Variants in PLCB1 observed in about 807,000 individuals in gnomAD.
The protein encoded by PLCB1 is phospholipase C beta 1.
In PLCB1, 46 loss-of-function variants were observed where a neutral mutation model predicts 161.8. The ratio of observed to expected loss-of-function variants is 0.28; its 90% CI spans 0.22 to 0.36. The LOEUF is 0.36. Ranked by LOEUF, PLCB1 falls within the 10% of genes least tolerant of loss-of-function variation. The pLI is 1.00. For missense variants in PLCB1, 1,016 were observed against 1,472.5 expected (o/e 0.69, Z 5.07); for synonymous variants, 517 against 503.7 (o/e 1.03, Z -0.35).
intron 31 of PLCB1, among the ~76,000 whole-genome samples, chr20:8,836,754 C>G (rs1986301434): frequency 1.3e-5 from 2 of 152,104 alleles, no homozygotes; most frequent in Admixed American, 1.3e-4. Flanking sequence ...GGCAAAGTAA[C>G]AAATGTAAAG....
chr20:8,737,726 A>G (rs578000782), intron 20 of PLCB1, among the ~76,000 whole-genome samples: 76 of 152,334 alleles, frequency 5.0e-4, no homozygotes, highest in Non-Finnish European at 9.6e-4. Flanking sequence ...TATCATGTAA[A>G]GGAAGAAAGT....
At chr20:8,326,478 C>T (rs1223856048) in intron 2 of PLCB1, among the ~76,000 whole-genome samples, 3 of 152,134 alleles carry the variant, frequency 2.0e-5, no homozygotes, top group African/African-American at 7.2e-5. Context: ...GTTATGATTT[C>T]CCTTGGCCTG....
chr20:8,635,184 T>C (rs1440548427), intron 4 of PLCB1, among the ~76,000 whole-genome samples: 1 of 152,094 alleles, frequency 6.6e-6, no homozygotes, highest in East Asian at 1.9e-4. Context: ...TCAAAAACAG[T>C]AGTTTAGTCT....
intron 2 of PLCB1, among the ~76,000 whole-genome samples, chr20:8,311,852 A>G (rs1984416504): frequency 1.3e-5 from 2 of 152,210 alleles, no homozygotes; most frequent in South Asian, 4.1e-4. Context: ...CACAATTGAC[A>G]AAAACACATA....
chr20:8,793,894 A>AAG (rs1238695277), intron 31 of PLCB1, among the ~76,000 whole-genome samples: 1 of 152,162 alleles, frequency 6.6e-6, no homozygotes, highest in Non-Finnish European at 1.5e-5. Context: ...CCTCAACAGT[A>AAG]AGAGACAGCT....
chr20:8,731,366 A>G (rs1980235517), intron 18 of PLCB1, among the ~76,000 whole-genome samples: 1 of 151,836 alleles, frequency 6.6e-6, no homozygotes, highest in Non-Finnish European at 1.5e-5. Flanking sequence ...TAAATGTACA[A>G]ACTATTAATG....
intron 2 of PLCB1, among the ~76,000 whole-genome samples, chr20:8,358,410 G>T (rs756635070): frequency 1.3e-5 from 2 of 151,980 alleles, no homozygotes; most frequent in South Asian, 4.2e-4. Flanking sequence ...CAACATGCCC[G>T]GCTAATTATT....
At position 8,649,432 on chromosome 20, in the gene PLCB1, A is replaced by G. The variant is rs774806833; in HGVS notation, c.577A>G (p.Ser193Gly). 2 of 1,611,922 alleles carry G rather than the reference A, an allele frequency of 1.2e-6. No homozygotes were observed. Among genetic ancestry groups the G allele is most frequent in the South Asian group, 2.2e-5 (2 of 91,026 alleles). Residue 193 changes from serine (S) to glycine (G), a missense_variant, in exon 7 of 32, where the codon AGT becomes GGT. Transcript: ENST00000338037. ...AGTTGAAACTGCTTTAGAGGCTTGT[A>G]GTCTTCCATCTTCAAGGGTGAGCAT... ...KRVETALEACSLPSSRNDSIP... is the reference protein window; with the variant it reads ...KRVETALEACGLPSSRNDSIP...
At chr20:8,775,090 T>G (rs1018935522) in intron 27 of PLCB1, among the ~76,000 whole-genome samples, 2 of 134,416 alleles carry the variant, frequency 1.5e-5, no homozygotes, top group Non-Finnish European at 3.4e-5. Flanking sequence ...TTTTTTTTTT[T>G]TTTTTTGGTA....
intron 2 of PLCB1, among the ~76,000 whole-genome samples, chr20:8,179,922 G>A (rs1215280438): frequency 7.2e-6 from 1 of 138,132 alleles, no homozygotes; most frequent in Non-Finnish European, 1.5e-5. Flanking sequence ...GCAGTGGCGG[G>A]ATCTCGGCTC....
chr20:8,307,439 G>T (rs971647100), intron 2 of PLCB1, among the ~76,000 whole-genome samples: 3 of 152,170 alleles, frequency 2.0e-5, no homozygotes, highest in Admixed American at 6.6e-5. Context: ...GGAATAATCT[G>T]TCGACGACCT....
Position 8,722,432 on chromosome 20 carries a change from A to G in PLCB1, c.1581+11A>G, listed in dbSNP as rs751654827. The G allele has an allele frequency of 1.2e-6, 2 of 1,601,288 alleles. No individual in the cohort carries two copies. Among genetic ancestry groups the G allele is most frequent in the Non-Finnish European group, 1.7e-6 (2 of 1,172,830 alleles). On this transcript the variant is annotated intron_variant, in intron 15 of 31. Coordinates refer to ENST00000338037, the MANE Select transcript of PLCB1 (RefSeq NM_015192.4). ...TCTTCAATGGATGAGGTGGGTACTT[A>G]GGGCTTCTGGTCCCTAAGGCATTCC... is the stretch of plus-strand genomic sequence containing the variant.
rs966250838 is a variant in PLCB1, at chr20:8,649,425, G to A, written c.570G>A (p.Glu190=). 16 of 1,612,900 alleles carry A rather than the reference G, an allele frequency of 9.9e-6. No individual in the cohort carries two copies. Among genetic ancestry groups the A allele is most frequent in the Non-Finnish European group, 1.4e-5 (16 of 1,179,078 alleles). The change falls in exon 7 of 32, where the codon GAG becomes GAA. Residue 190 remains glutamate (E), a synonymous_variant. Coordinates refer to ENST00000338037, the MANE Select transcript of PLCB1 (RefSeq NM_015192.4). ...GGAAGCGAGTTGAAACTGCTTTAGA[G>A]GCTTGTAGTCTTCCATCTTCAAGGG... The part of the protein sequence containing the change: ...ADRKRVETAL[E]ACSLPSSRND...
intron 2 of PLCB1, among the ~76,000 whole-genome samples, chr20:8,224,381 A>G (rs907267990): frequency 2.5e-4 from 15 of 58,848 alleles, no homozygotes; most frequent in Admixed American, 6.0e-4. Flanking sequence ...CCTAAACATT[A>G]AAGTATTTTG....
chr20:8,134,943 T>C (rs915720016), intron 1 of PLCB1, among the ~76,000 whole-genome samples: 2 of 151,980 alleles, frequency 1.3e-5, no homozygotes, highest in African/African-American at 4.8e-5. Flanking sequence ...TTGCAGGCTC[T>C]TTGGTTCTCT....
intron 3 of PLCB1, among the ~76,000 whole-genome samples, chr20:8,526,759 A>G (rs1984600144): frequency 6.6e-6 from 1 of 152,142 alleles, no homozygotes; most frequent in Non-Finnish European, 1.5e-5. Flanking sequence ...GGCCCGGATT[A>G]GCAGTAATAT....
chr20:8,851,597 A>G (rs1986887375), intron 31 of PLCB1, among the ~76,000 whole-genome samples: 1 of 152,196 alleles, frequency 6.6e-6, no homozygotes. Flanking sequence ...AAGGCTATCT[A>G]GATGGCCTGG....
intron 2 of PLCB1, among the ~76,000 whole-genome samples, chr20:8,198,140 C>T (rs113984812): frequency 0.019 from 2,829 of 152,028 alleles, 68 homozygotes; most frequent in African/African-American, 0.062. Context: ...CTTGACAATG[C>T]GGGCTCTTTT....
intron 3 of PLCB1, among the ~76,000 whole-genome samples, chr20:8,593,883 T>A (rs1321299628): frequency 6.6e-6 from 1 of 151,968 alleles, no homozygotes; most frequent in African/African-American, 2.4e-5. Flanking sequence ...CCCAAATCTG[T>A]GTTATTTTAT....
Sources: allele counts gnomAD v4.1 joint callset (sites outside exome capture counted in the v4.1 genomes callset), GRCh38; gene constraint gnomAD v4.1.1; transcripts MANE v1.5; gene names NCBI Gene and HGNC (gene_info 2026-07-23, HGNC 2026-07-21).